The following FAM135A variants were observed in gnomAD, a reference collection of about 807,000 sequenced individuals.
The protein encoded by FAM135A is protein FAM135A.
In FAM135A, 79 loss-of-function variants were observed where a neutral mutation model predicts 146.8. The observed-to-expected ratio is 0.54, with a 90% CI of 0.45 to 0.65. FAM135A has a LOEUF of 0.65. Ranked by LOEUF, FAM135A falls within the 30% of genes least tolerant of loss-of-function variation. The pLI is 0.00. For missense variants in FAM135A, 1,623 were observed against 1,758.2 expected (o/e 0.92, Z 1.38); for synonymous variants, 562 against 603.6 (o/e 0.93, Z 1.01).
intron 12 of FAM135A, 122 bp downstream of exon 12, chr6:70,502,913 C>T: frequency 7.7e-6 from 8 of 1,033,236 alleles, no homozygotes; most frequent in Non-Finnish European, 1.1e-5. Context: ...AGACATTTGT[C>T]ATATTGTTAT....
chr6:70,523,965 A>G lies in FAM135A; in HGVS notation c.1104-2A>G. 1 of 1,593,892 alleles carries G rather than the reference A, an allele frequency of 6.3e-7. No homozygotes were observed. Among genetic ancestry groups the G allele is most frequent in the Non-Finnish European group, 8.5e-7 (1 of 1,175,050 alleles). On this transcript the variant is annotated splice_acceptor_variant, in intron 13 of 21. Coordinates refer to ENST00000418814, the MANE Select transcript of FAM135A (RefSeq NM_001162529.3). LOFTEE classifies it high-confidence loss of function. ...CAATCTGACTGAAGAAATATTTTTC[A>G]GTGCTCAGAGTCATCTACAGATGTG...
intron 11 of FAM135A, among the ~76,000 whole-genome samples, chr6:70,498,064 T>C (rs1379897786): frequency 2.0e-5 from 3 of 152,220 alleles, no homozygotes; most frequent in Non-Finnish European, 4.4e-5. Context: ...AGCCCCTCTT[T>C]GTACCTCTAG....
intron 2 of FAM135A, among the ~76,000 whole-genome samples, chr6:70,416,482 T>A (rs1451855723): frequency 6.6e-6 from 1 of 152,246 alleles, no homozygotes; most frequent in Non-Finnish European, 1.5e-5. Context: ...GGATTTCCTT[T>A]GCTTTGATTC....
At chr6:70,550,944 G>T (rs1799717004) in intron 20 of FAM135A, among the ~76,000 whole-genome samples, 1 of 152,144 alleles carries the variant, frequency 6.6e-6, no homozygotes, top group Non-Finnish European at 1.5e-5. Context: ...TTATGTTATG[G>T]AGACAACATC....
intron 5 of FAM135A, among the ~76,000 whole-genome samples, chr6:70,465,351 G>T (rs1411799183): frequency 6.6e-6 from 1 of 152,016 alleles, no homozygotes; most frequent in Non-Finnish European, 1.5e-5. Flanking sequence ...ACATCTCTTT[G>T]ACCCTCTTTT....
Position 70,560,600 on chromosome 6 carries a change from G to C in FAM135A, c.*679G>C, listed in dbSNP as rs1438061383. The C allele has an allele frequency of 6.6e-6, 1 of 152,480 alleles. No homozygotes were observed. The highest frequency in any genetic ancestry group is 1.5e-5 in the Non-Finnish European group (1 of 67,980). The allele number at this position is 152,480 out of a possible 1,614,324, so 9.4% of individuals were successfully genotyped here. On this transcript the variant is annotated 3_prime_UTR_variant, in exon 22 of 22. Coordinates refer to ENST00000418814, the MANE Select transcript of FAM135A (RefSeq NM_001162529.3). ...GACTTTTATTACTGGAAATGTTCCTGTACATGTTGGCAGCAGATAAAGATT... is the reference window on the plus strand; with the variant it reads ...GACTTTTATTACTGGAAATGTTCCTCTACATGTTGGCAGCAGATAAAGATT...
chr6:70,485,169 A>G (rs1470646253), intron 10 of FAM135A, among the ~76,000 whole-genome samples: 3 of 152,162 alleles, frequency 2.0e-5, no homozygotes, highest in Non-Finnish European at 4.4e-5. Context: ...ATATTTCTCG[A>G]ATGAATGAAT....
chr6:70,465,281 T>G (rs1481880872), intron 5 of FAM135A, among the ~76,000 whole-genome samples: 1 of 152,156 alleles, frequency 6.6e-6, no homozygotes, highest in Non-Finnish European at 1.5e-5. Context: ...AGATAGACAT[T>G]TATGTTTTTT....
chr6:70,447,511 G>T (rs1435431446), intron 4 of FAM135A, among the ~76,000 whole-genome samples: 1 of 152,224 alleles, frequency 6.6e-6, no homozygotes, highest in East Asian at 1.9e-4. Context: ...GGGACCTTTT[G>T]CAGGGGTTCC....
intron 4 of FAM135A, among the ~76,000 whole-genome samples, chr6:70,429,586 A>C (rs538420307): frequency 1.3e-5 from 2 of 152,312 alleles, no homozygotes; most frequent in Non-Finnish European, 2.9e-5. Context: ...GGAGAATTAC[A>C]GAAGAAAGGT....
At chr6:70,541,151 T>C (rs1797842343) in intron 20 of FAM135A, among the ~76,000 whole-genome samples, 1 of 152,248 alleles carries the variant, frequency 6.6e-6, no homozygotes, top group African/African-American at 2.4e-5. Flanking sequence ...ACTCTTTCAG[T>C]AATTAATCCT....
intron 5 of FAM135A, among the ~76,000 whole-genome samples, chr6:70,472,369 C>G (rs887692725): frequency 6.6e-6 from 1 of 152,064 alleles, no homozygotes; most frequent in African/African-American, 2.4e-5. Flanking sequence ...ATATGTTTCC[C>G]GAAGCATCTC....
At chr6:70,495,404 G>A (rs772280583) in intron 11 of FAM135A, among the ~76,000 whole-genome samples, 10 of 152,160 alleles carry the variant, frequency 6.6e-5, no homozygotes, top group South Asian at 2.1e-4. Context: ...TCACAAAAGC[G>A]AATAGGACAT....
intron 12 of FAM135A, among the ~76,000 whole-genome samples, chr6:70,508,881 T>G (rs1434467967): frequency 1.3e-5 from 2 of 152,212 alleles, no homozygotes; most frequent in Non-Finnish European, 2.9e-5. Context: ...GGTTTAATTG[T>G]GTTTTACATA....
chr6:70,443,659 T>C (rs1389604219), intron 4 of FAM135A, among the ~76,000 whole-genome samples: 2 of 152,274 alleles, frequency 1.3e-5, no homozygotes, highest in East Asian at 3.8e-4. Context: ...TGAAAATTTA[T>C]AGTTTTTAAA....
intron 21 of FAM135A, 74 bp from the exon 22 acceptor site, chr6:70,559,642 T>A: frequency 7.9e-7 from 1 of 1,258,812 alleles, no homozygotes; most frequent in Middle Eastern, 1.9e-4. Flanking sequence ...ATAACTTATC[T>A]AAAAATTGGC....
chr6:70,493,424 C>T (rs1266084790), intron 11 of FAM135A, among the ~76,000 whole-genome samples: 1 of 152,052 alleles, frequency 6.6e-6, no homozygotes, highest in Non-Finnish European at 1.5e-5. Flanking sequence ...ACATATGTAT[C>T]CATGTATTGC....
At chr6:70,505,270 A>T (rs967336199) in intron 12 of FAM135A, among the ~76,000 whole-genome samples, 1 of 152,190 alleles carries the variant, frequency 6.6e-6, no homozygotes, top group African/African-American at 2.4e-5. Context: ...ATTGATATTT[A>T]ATGTATGGCC....
intron 4 of FAM135A, among the ~76,000 whole-genome samples, chr6:70,441,313 CAG>C (rs1327940732): frequency 6.6e-6 from 1 of 152,038 alleles, no homozygotes. Context: ...GCTTGAGACT[CAG>C]AGGTGGAGGT....
Sources: gnomAD v4.1 joint callset for allele counts (sites outside exome capture counted in the v4.1 genomes callset) on GRCh38, gnomAD v4.1.1 for gene constraint, MANE v1.5 for transcripts, NCBI Gene and HGNC (gene_info 2026-07-23, HGNC 2026-07-21) for gene names.